SOX5: variants seen among roughly 807,000 people sequenced by gnomAD.
SOX5 encodes transcription factor SOX-5.
SOX5 carries 9 observed loss-of-function variants against 92.0 expected under a neutral mutation model. That is an observed-to-expected ratio of 0.10 (90% CI 0.06 to 0.17). The LOEUF is 0.17. SOX5 is among the 10% of genes least tolerant of loss of function. The pLI is 1.00. For missense variants in SOX5, 642 were observed against 944.5 expected, an observed-to-expected ratio of 0.68 and a Z score of 4.20; for synonymous variants, 344 against 336.3, an observed-to-expected ratio of 1.02 and a Z score of -0.25.
At chr12:24,270,886 G>A (rs924375106) in intron 3 of SOX5, among the ~76,000 whole-genome samples, 1 of 152,090 alleles carries the variant, frequency 6.6e-6, no homozygotes. Context: ...ACATGTCATT[G>A]TACGATTGTT....
intron 8 of SOX5, among the ~76,000 whole-genome samples, chr12:23,617,789 A>G (rs2076739507): frequency 6.6e-6 from 1 of 152,098 alleles, no homozygotes; most frequent in Non-Finnish European, 1.5e-5. Context: ...AGCTAGAAAA[A>G]AAAAACATTT....
chr12:24,440,594 T>TTGTGTGTG lies in SOX5; in HGVS notation c.-250-71963_-250-71956dup, dbSNP rs56082162. On this transcript the variant is annotated intron_variant, in intron 1 of 4. Transcript: ENST00000446891. ...TGTGGCATCCCATTCACATGATCCTTTGTGTGTGTGTGTGTGTGTGTGTGT... is the reference window on the plus strand; with the variant it reads ...TGTGGCATCCCATTCACATGATCCTTTGTGTGTGTGTGTGTGTGTGTGTGTGTGTGTGT... 4.0e-3 allele frequency among the ~76,000 whole-genome samples: 555 copies of TTGTGTGTG among 139,726 alleles called. 5 individuals are homozygous for TTGTGTGTG. The highest frequency in any genetic ancestry group is 7.8e-3 in the South Asian group (32 of 4,094). 91.7% of individuals were successfully genotyped at this position (139,726 alleles called of 152,430 possible).
intron 1 of SOX5, among the ~76,000 whole-genome samples, chr12:24,403,159 G>A (rs1180539056): frequency 1.3e-5 from 2 of 152,128 alleles, no homozygotes; most frequent in Non-Finnish European, 2.9e-5. Flanking sequence ...CCCTGGAACT[G>A]AAATTATTTT....
intron 9 of SOX5, among the ~76,000 whole-genome samples, chr12:23,601,197 T>C (rs989080076): frequency 6.6e-6 from 1 of 152,168 alleles, no homozygotes; most frequent in Non-Finnish European, 1.5e-5. Context: ...TGCTGTACAA[T>C]TTTACAGTCT....
intron 1 of SOX5, among the ~76,000 whole-genome samples, chr12:24,520,513 C>G (rs1300791136): frequency 6.9e-6 from 1 of 145,352 alleles, no homozygotes; most frequent in South Asian, 2.2e-4. Flanking sequence ...TAAAAAAAAA[C>G]AAAGCAAATA....
chr12:23,744,808 T>C (rs1322500435), intron 4 of SOX5, among the ~76,000 whole-genome samples: 1 of 152,118 alleles, frequency 6.6e-6, no homozygotes, highest in South Asian at 2.1e-4. Flanking sequence ...TACCACAGAC[T>C]GGGTGGTTTA....
At chr12:24,499,059 C>T (rs887529223) in intron 1 of SOX5, among the ~76,000 whole-genome samples, 6 of 152,222 alleles carry the variant, frequency 3.9e-5, no homozygotes, top group Non-Finnish European at 7.3e-5. Flanking sequence ...TCATGCTCTC[C>T]CTGCACCCTT....
intron 1 of SOX5, among the ~76,000 whole-genome samples, chr12:24,509,743 ATATGGC>A (rs778236598): frequency 1.3e-5 from 2 of 152,230 alleles, no homozygotes; most frequent in Non-Finnish European, 2.9e-5. Context: ...TTGCTCTTCT[ATATGGC>A]TGTCATGTTC....
chr12:23,542,291 C>G (rs1942238092), intron 13 of SOX5, among the ~76,000 whole-genome samples: 1 of 152,156 alleles, frequency 6.6e-6, no homozygotes, highest in South Asian at 2.1e-4. Flanking sequence ...TAAAATGTTT[C>G]TATTCTATTT....
At chr12:24,169,120 A>G (rs1953770085) in intron 4 of SOX5, among the ~76,000 whole-genome samples, 1 of 152,230 alleles carries the variant, frequency 6.6e-6, no homozygotes, top group Non-Finnish European at 1.5e-5. Context: ...CCACATAAAA[A>G]TGAAGGATCT....
chr12:24,315,797 T>A (rs1050725048), intron 2 of SOX5, among the ~76,000 whole-genome samples: 8 of 152,234 alleles, frequency 5.3e-5, no homozygotes, highest in Admixed American at 4.6e-4. Flanking sequence ...GTTGTAACTT[T>A]CTAGCACGTG....
chr12:23,632,426 C>G (rs1409744591), intron 8 of SOX5, among the ~76,000 whole-genome samples: 2 of 152,104 alleles, frequency 1.3e-5, no homozygotes, highest in Admixed American at 6.6e-5. Context: ...AAGTATACAT[C>G]CTTGTAAGTA....
chr12:24,404,614 G>A (rs1252634560), intron 1 of SOX5, among the ~76,000 whole-genome samples: 1 of 152,176 alleles, frequency 6.6e-6, no homozygotes, highest in African/African-American at 2.4e-5. Flanking sequence ...TCTTCTTGTT[G>A]CATAATCCTG....
chr12:23,948,863 C>G (rs1407484418), intron 1 of SOX5, among the ~76,000 whole-genome samples: 1 of 152,114 alleles, frequency 6.6e-6, no homozygotes, highest in Non-Finnish European at 1.5e-5. Context: ...CTATTCCCAT[C>G]ATAGCAAAAG....
chr12:23,979,707 G>GTTGTTGTTTTTTTTTTTTTTT (rs1949333613), intron 4 of SOX5, among the ~76,000 whole-genome samples: 1 of 77,472 alleles, frequency 1.3e-5, no homozygotes, highest in African/African-American at 5.5e-5. Context: ...TGTTTTTTTT[G>GTTGTTGTTTTTTTTTTTTTTT]TTTTTTTTTT....
intron 3 of SOX5, among the ~76,000 whole-genome samples, chr12:24,215,290 G>A (rs556362816): frequency 1.3e-5 from 2 of 152,050 alleles, no homozygotes; most frequent in East Asian, 3.9e-4. Flanking sequence ...CATCCAGGCT[G>A]GAAAGAAAGA....
chr12:23,932,572 G>A (rs999617787), intron 1 of SOX5, among the ~76,000 whole-genome samples: 3 of 151,688 alleles, frequency 2.0e-5, no homozygotes, highest in South Asian at 4.1e-4. Flanking sequence ...AATCAGAAAA[G>A]AAAGAAATAG....
At chr12:24,511,498 C>T (rs1949299074) in intron 1 of SOX5, among the ~76,000 whole-genome samples, 1 of 152,082 alleles carries the variant, frequency 6.6e-6, no homozygotes. Flanking sequence ...ATTTTTAAAG[C>T]TTCTATGACT....
intron 6 of SOX5, among the ~76,000 whole-genome samples, chr12:23,688,641 G>C (rs911116970): frequency 2.6e-5 from 4 of 151,960 alleles, no homozygotes. Flanking sequence ...AATTATCAGA[G>C]ATCCTTTGCT....
Sources: allele counts gnomAD v4.1 joint callset (sites outside exome capture counted in the v4.1 genomes callset), GRCh38; gene constraint gnomAD v4.1.1; transcripts MANE v1.5; gene names NCBI Gene and HGNC (gene_info 2026-07-23, HGNC 2026-07-21).